PPFIA4: variants seen among roughly 807,000 people sequenced by gnomAD.
PPFIA4 encodes PPFI scaffold protein A4.
Under a neutral mutation model 145.7 loss-of-function variants are expected in PPFIA4, and 98 were observed. The ratio of observed to expected loss-of-function variants is 0.67; its 90% CI spans 0.57 to 0.80. The LOEUF is 0.80. Among genes scored for constraint, PPFIA4 ranks in the 30% least tolerant of loss-of-function variants. PPFIA4 has a pLI of 0.00. For missense variants in PPFIA4, 1,457 were observed against 1,632.7 expected (o/e 0.89, Z 1.85); for synonymous variants, 628 against 649.6 (o/e 0.97, Z 0.51).
chr1:203,030,435 C>T (rs1042708799), intron 1 of PPFIA4, among the ~76,000 whole-genome samples: 4 of 152,158 alleles, frequency 2.6e-5, no homozygotes, highest in African/African-American at 7.2e-5. Context: ...CATTTTGGGA[C>T]ATGCAGGGGG....
chr1:203,034,682 A>G (rs1214621963), intron 1 of PPFIA4: 9 of 456,632 alleles, frequency 2.0e-5, no homozygotes, highest in South Asian at 1.2e-4. Context: ...TGGCCTCATG[A>G]CCATGTTGGC....
rs1272842893 is a variant in PPFIA4 at position 203,056,483 on chromosome 1, G to T, written c.2215G>T (p.Ala739Ser). The change falls in exon 18 of 30, where the codon GCC becomes TCC. Residue 739 changes from alanine (A) to serine (S), a missense_variant. Physicochemically the swap from Ala to Ser is moderately conservative, Grantham distance 99. This residue lies in a region of PPFIA4 where 848 missense variants were observed against 1,046.7 expected (regional missense o/e 0.81). Transcript: ENST00000295706. ...TLRLEKLGHP[A>S]LSQEEGKSAL... is the part of the protein sequence containing the mutation. ...GCGGCTAGAGAAGCTTGGCCACCCAGCCCTGAGCCAGGAAGAAGGCAAGAG... is the reference window on the plus strand; with the variant it reads ...GCGGCTAGAGAAGCTTGGCCACCCATCCCTGAGCCAGGAAGAAGGCAAGAG... The T allele has an allele frequency of 6.2e-7, 1 of 1,613,924 alleles. No homozygotes were observed. The highest frequency in any genetic ancestry group is 1.1e-5 in the South Asian group (1 of 91,072).
Position 203,046,386 on chromosome 1 carries a change from AG to A in PPFIA4, c.1140+5del. 1 of 1,583,804 alleles carries A rather than the reference AG, an allele frequency of 6.3e-7. No individual in the cohort carries two copies. Among genetic ancestry groups the A allele is most frequent in the Non-Finnish European group, 8.6e-7 (1 of 1,166,336 alleles). On this transcript the variant is annotated splice_donor_5th_base_variant and intron_variant, in intron 9 of 29. Transcript: ENST00000295706. ...GAGAATTGCAGCCCTCACCAAGGCAAGTGGGCCAGGGGCCTGGGATCTGCCT... is the reference window on the plus strand; with the variant it reads ...GAGAATTGCAGCCCTCACCAAGGCAATGGGCCAGGGGCCTGGGATCTGCCT...
At chr1:203,065,316 G>A (rs953418584) in intron 25 of PPFIA4, among the ~76,000 whole-genome samples, 3 of 148,234 alleles carry the variant, frequency 2.0e-5, no homozygotes, top group South Asian at 2.2e-4. Flanking sequence ...CTCTGCACCC[G>A]CCCCCACCCA....
At position 203,034,470 on chromosome 1, in the gene PPFIA4, C is replaced by T. The variant is rs1402993117; in HGVS notation, c.-399-4140C>T. The T allele has an allele frequency of 1.1e-5, 5 of 456,200 alleles. No individual in the cohort carries two copies. The Admixed American group carries it at 1.2e-4, about 11-fold the overall frequency. 28.3% of individuals were successfully genotyped at this position (456,200 alleles called of 1,614,324 possible). A position where few individuals can be genotyped will look rare whatever the true frequency, so the allele number is the denominator to read the frequency against. On this transcript the variant is annotated intron_variant, in intron 1 of 29. Transcript: ENST00000295706. ...AGGCATGGGCAGCTGGGCTGCAGGC[C>T]CACGTTGGGGAGAATGTCTGAGAGC...
chr1:203,064,121 A>G lies in PPFIA4; in HGVS notation c.3050+118A>G, dbSNP rs77654789. On this transcript the variant is annotated intron_variant, in intron 25 of 29. Coordinates refer to ENST00000295706, the MANE Select transcript of PPFIA4 (RefSeq NM_001304331.2). ...TTTCCGTGGTCTGTTCTGAGTGGCA[A>G]CAGGTCTCCCCCTTGGGAAAGTCTC... 3.6e-5 allele frequency: 39 copies of G among 1,089,614 alleles called. No individual in the cohort carries two copies. The South Asian group carries it at 3.7e-4, about 10-fold the overall frequency. The allele number at this position is 1,089,614 out of a possible 1,614,324, so 67.5% of individuals were successfully genotyped here.
intron 24 of PPFIA4, chr1:203,063,032 T>C (rs189120071): frequency 1.3e-5 from 2 of 152,380 alleles, no homozygotes; most frequent in Admixed American, 1.3e-4. Flanking sequence ...CTTATATGTA[T>C]CAGCTATTAC....
At chr1:203,056,690 T>C in intron 18 of PPFIA4, 94 bp from the exon 19 acceptor site, 1 of 1,307,490 alleles carries the variant, frequency 7.6e-7, no homozygotes, top group Non-Finnish European at 1.1e-6. Context: ...TCTGACTTAA[T>C]AGAAGTTCTT....
chr1:203,035,492 A>G (rs1044187983), intron 1 of PPFIA4: 5 of 305,898 alleles, frequency 1.6e-5, no homozygotes, highest in African/African-American at 1.4e-4. Flanking sequence ...TTTTTGTCCA[A>G]TCCCCCACCC....
chr1:203,037,062 A>C, intron 1 of PPFIA4: 1 of 227,450 alleles, frequency 4.4e-6, no homozygotes. Context: ...CCCCTCTGGG[A>C]AGGGCTGCGA....
At chr1:203,037,126 C>A in intron 1 of PPFIA4, 2 of 311,194 alleles carry the variant, frequency 6.4e-6, no homozygotes, top group Non-Finnish European at 6.8e-6. Flanking sequence ...GATCTAGACC[C>A]CACATTGCTC....
At chr1:203,031,499 C>G (rs987664119) in intron 1 of PPFIA4, among the ~76,000 whole-genome samples, 2 of 151,134 alleles carry the variant, frequency 1.3e-5, no homozygotes, top group African/African-American at 4.8e-5. Context: ...CTTCTGTGAC[C>G]ACATACTAAT....
intron 1 of PPFIA4, among the ~76,000 whole-genome samples, chr1:203,027,635 C>G (rs931333766): frequency 6.6e-6 from 1 of 152,172 alleles, no homozygotes; most frequent in African/African-American, 2.4e-5. Flanking sequence ...ATAGTCCTTT[C>G]CAGAGTTCTT....
intron 14 of PPFIA4, 69 bp from the exon 15 acceptor site, chr1:203,053,684 A>AGGGAG: frequency 1.5e-6 from 2 of 1,342,924 alleles, no homozygotes; most frequent in Non-Finnish European, 2.1e-6. Flanking sequence ...GGGTAGAGGT[A>AGGGAG]GGGAGGGTCC....
At chr1:203,073,151 G>A (rs376868823) in intron 28 of PPFIA4, among the ~76,000 whole-genome samples, 4 of 152,268 alleles carry the variant, frequency 2.6e-5, no homozygotes, top group Middle Eastern at 3.4e-3. Context: ...TAGTGATGAC[G>A]ATGTCTCACT....
chr1:203,053,475 G>C (rs1357340161), intron 14 of PPFIA4, among the ~76,000 whole-genome samples: 1 of 150,198 alleles, frequency 6.7e-6, no homozygotes, highest in Non-Finnish European at 1.5e-5. Flanking sequence ...GGAGGTTGCA[G>C]TGAGCCGAGA....
chr1:203,066,323 G>A (rs1214393851), intron 25 of PPFIA4, among the ~76,000 whole-genome samples: 2 of 152,188 alleles, frequency 1.3e-5, no homozygotes, highest in Non-Finnish European at 2.9e-5. Context: ...TCTGTTCTAG[G>A]CAGAAGAGCC....
chr1:203,034,904 C>G, intron 1 of PPFIA4: 1 of 352,082 alleles, frequency 2.8e-6, no homozygotes, highest in Non-Finnish European at 5.7e-6. Flanking sequence ...CTTCATTTCA[C>G]TAGCTGTGTA....
Position 203,076,587 on chromosome 1 carries a change from C to A in PPFIA4, c.*197C>A. ...GTCCCACCGTGTGTCCGTTGTAAGT[C>A]CGGTGGATGTGGCTGGGGTTTCCTG... On this transcript the variant is annotated 3_prime_UTR_variant, in exon 30 of 30. Transcript: ENST00000295706. 1 of 605,458 alleles carries A rather than the reference C, an allele frequency of 1.7e-6. No homozygotes were observed. Among genetic ancestry groups the A allele is most frequent in the Admixed American group, 3.0e-5 (1 of 33,816 alleles). The allele number at this position is 605,458 out of a possible 1,614,324, so 37.5% of individuals were successfully genotyped here.
Sources: gnomAD v4.1 joint callset for allele counts (sites outside exome capture counted in the v4.1 genomes callset) on GRCh38, gnomAD v4.1.1 for gene constraint, gnomAD v4.1.1 regional missense constraint, MANE v1.5 for transcripts, NCBI Gene and HGNC (gene_info 2026-07-23, HGNC 2026-07-21) for gene names.